Variants in GRM7 observed in about 807,000 individuals in gnomAD.
GRM7 encodes metabotropic glutamate receptor 7.
GRM7 carries 35 observed loss-of-function variants against 84.5 expected under a neutral mutation model. The observed-to-expected ratio is 0.41, with a 90% CI of 0.32 to 0.55. The LOEUF (loss-of-function observed/expected upper bound fraction) is 0.55. Ranked by LOEUF, GRM7 falls within the 20% of genes least tolerant of loss-of-function variation. The pLI, the probability that GRM7 is intolerant of heterozygous loss-of-function variation, is 0.19. For synonymous variants in GRM7, 487 were observed against 455.1 expected, an observed-to-expected ratio of 1.07 and a Z score of -0.89; for missense variants, 1,003 against 1,194.6, an observed-to-expected ratio of 0.84 and a Z score of 2.36.
At chr3:7,261,213 G>A (rs1308919662) in intron 2 of GRM7, among the ~76,000 whole-genome samples, 1 of 152,136 alleles carries the variant, frequency 6.6e-6, no homozygotes, top group East Asian at 1.9e-4. Flanking sequence ...GTTACCTAGG[G>A]TCTCCTGGAG....
intron 1 of GRM7, among the ~76,000 whole-genome samples, chr3:7,045,812 G>C (rs1696786489): frequency 6.6e-6 from 1 of 151,976 alleles, no homozygotes; most frequent in African/African-American, 2.4e-5. Flanking sequence ...CTATATTTTG[G>C]TTACTATGAA....
At chr3:6,953,263 A>C (rs1487217934) in intron 1 of GRM7, among the ~76,000 whole-genome samples, 2 of 152,212 alleles carry the variant, frequency 1.3e-5, no homozygotes, top group African/African-American at 4.8e-5. Context: ...AAGAGGGTGC[A>C]GAAGCCACAT....
At position 7,486,079 on chromosome 3, in the gene GRM7, CAA is replaced by C. The variant is rs1357674309; in HGVS notation, c.1515+24359_1515+24360del. ...AGTTGAGATAAACTTTAAAGTTCTT[CAA>C]AGAGTCAAAGGATGAGATAAAATAT... On this transcript the variant is annotated intron_variant, in intron 7 of 9. Transcript: ENST00000357716. The surrounding 1 kb of genome is among the most constrained non-coding windows in gnomAD (Gnocchi z 5.5). 3.9e-5 allele frequency among the ~76,000 whole-genome samples: 6 copies of C among 152,084 alleles called. No homozygotes were observed. Among genetic ancestry groups the C allele is most frequent in the African/African-American group, 1.4e-4 (6 of 41,418 alleles).
At chr3:7,233,588 GT>G (rs1180243265) in intron 2 of GRM7, among the ~76,000 whole-genome samples, 1 of 151,974 alleles carries the variant, frequency 6.6e-6, no homozygotes, top group Non-Finnish European at 1.5e-5. Context: ...GACTATATGG[GT>G]TTTTTTGTAA....
chr3:7,630,182 A>G (rs1697803967), intron 8 of GRM7, among the ~76,000 whole-genome samples: 1 of 152,152 alleles, frequency 6.6e-6, no homozygotes, highest in Non-Finnish European at 1.5e-5. Flanking sequence ...AGGTTAAATA[A>G]TTTGGGCTGG....
chr3:7,401,369 C>A (rs1044396827), intron 4 of GRM7, among the ~76,000 whole-genome samples: 1 of 152,068 alleles, frequency 6.6e-6, no homozygotes, highest in Admixed American at 6.6e-5. Flanking sequence ...GTGTTGACCA[C>A]GTTTTGTTGT....
At chr3:6,984,080 AT>A (rs997234656) in intron 1 of GRM7, among the ~76,000 whole-genome samples, 31 of 152,264 alleles carry the variant, frequency 2.0e-4, no homozygotes, top group African/African-American at 5.3e-4. Flanking sequence ...ACTCAAAAAC[AT>A]TTTTTTAATT....
chr3:6,908,502 C>A (rs7644436), intron 1 of GRM7, among the ~76,000 whole-genome samples: 42,715 of 151,962 alleles, frequency 0.28, 7,818 homozygotes, highest in African/African-American at 0.53. Context: ...AGAGAGGCTA[C>A]ATGACTCAGT....
At chr3:6,896,569 G>A (rs996906385) in intron 1 of GRM7, among the ~76,000 whole-genome samples, 6 of 152,114 alleles carry the variant, frequency 3.9e-5, no homozygotes, top group Non-Finnish European at 8.8e-5. Flanking sequence ...CATCAGTGTG[G>A]CCTGATTTTG....
At chr3:7,699,950 G>A (rs906625972) in intron 9 of GRM7, among the ~76,000 whole-genome samples, 14 of 152,110 alleles carry the variant, frequency 9.2e-5, no homozygotes, top group African/African-American at 3.4e-4. Flanking sequence ...AAGCTGCCTC[G>A]TCTGTCAACA....
chr3:7,620,812 T>TA lies in GRM7; in HGVS notation c.2451+41456dup, dbSNP rs550343649. The stretch of plus-strand genomic sequence containing the variant: ...CACCAAGCTCCATCTTCTTGCCTGT[T>TA]ACGCTAGAGCAGCCTTGTCCAGAAT... On this transcript the variant is annotated intron_variant, in intron 8 of 9. Transcript: ENST00000357716. Among the ~76,000 whole-genome samples the TA allele has an allele frequency of 8.7e-4, 133 of 152,298 alleles. 5 individuals carry two copies. In the South Asian group the frequency reaches 0.026, roughly 30 times the overall value.
chr3:7,375,273 C>T (rs962817039), intron 4 of GRM7, among the ~76,000 whole-genome samples: 34 of 142,356 alleles, frequency 2.4e-4, no homozygotes, highest in African/African-American at 8.8e-4. Flanking sequence ...GGCCAAAGTG[C>T]AGTAGTATGA....
intron 7 of GRM7, among the ~76,000 whole-genome samples, chr3:7,547,311 A>G (rs1008065971): frequency 1.9e-4 from 27 of 139,916 alleles, no homozygotes; most frequent in Non-Finnish European, 3.4e-4. Flanking sequence ...GGTTCACGCC[A>G]TTCTCCTGCC....
At chr3:7,566,537 A>G (rs545606658) in intron 7 of GRM7, among the ~76,000 whole-genome samples, 3 of 152,304 alleles carry the variant, frequency 2.0e-5, no homozygotes, top group Non-Finnish European at 4.4e-5. Flanking sequence ...TCTTTTAGGA[A>G]ACTATCACAG....
At chr3:7,128,105 A>G (rs1344394165) in intron 1 of GRM7, among the ~76,000 whole-genome samples, 1 of 151,394 alleles carries the variant, frequency 6.6e-6, no homozygotes, top group African/African-American at 2.4e-5. Context: ...TATATATAAT[A>G]CTTATAATAA....
chr3:7,149,938 T>C (rs1346849618), intron 2 of GRM7, among the ~76,000 whole-genome samples: 1 of 152,178 alleles, frequency 6.6e-6, no homozygotes, highest in Non-Finnish European at 1.5e-5. Flanking sequence ...GAGTTGTAAC[T>C]AGAGGGTTAT....
chr3:6,907,205 T>A (rs934724477), intron 1 of GRM7, among the ~76,000 whole-genome samples: 8 of 152,172 alleles, frequency 5.3e-5, no homozygotes, highest in African/African-American at 1.4e-4. Context: ...ATGCTTGGCC[T>A]GTTTTTTAGT....
At chr3:7,021,928 A>G (rs1695790234) in intron 1 of GRM7, among the ~76,000 whole-genome samples, 1 of 152,186 alleles carries the variant, frequency 6.6e-6, no homozygotes, top group African/African-American at 2.4e-5. Flanking sequence ...CTAATGCGTT[A>G]CTACACTAAG....
At chr3:6,905,191 A>C (rs1488888255) in intron 1 of GRM7, among the ~76,000 whole-genome samples, 1 of 152,206 alleles carries the variant, frequency 6.6e-6, no homozygotes, top group African/African-American at 2.4e-5. Flanking sequence ...TAACTTATAG[A>C]TTAATATAAG....
Sources: gnomAD v4.1 joint callset for allele counts (sites outside exome capture counted in the v4.1 genomes callset) on GRCh38, gnomAD v4.1.1 for gene constraint, Gnocchi (gnomAD v3.1) non-coding constraint, MANE v1.5 for transcripts, NCBI Gene and HGNC (gene_info 2026-07-23, HGNC 2026-07-21) for gene names.